Variants in TXNRD1 observed in about 807,000 individuals in gnomAD.
The protein encoded by TXNRD1 is thioredoxin reductase 1, cytoplasmic.
In TXNRD1, 57 loss-of-function variants were observed where a neutral mutation model predicts 80.3. The observed-to-expected ratio is 0.71, with a 90% CI of 0.57 to 0.89. The LOEUF (loss-of-function observed/expected upper bound fraction) is 0.89, where lower values mean the gene tolerates loss of function less well. Among genes scored for constraint, TXNRD1 ranks in the 40% least tolerant of loss-of-function variants. The probability of loss-of-function intolerance (pLI) is 0.00; values close to 1 mark genes in which losing one functional copy is unlikely to be tolerated. For missense variants in TXNRD1, 730 were observed against 803.0 expected (o/e 0.91, Z 1.10); for synonymous variants, 291 against 285.2 (o/e 1.02, Z -0.20).
In TXNRD1 at chr12:104,334,568, C is replaced by T. The variant is rs367796143; in HGVS notation, c.1746+236C>T. On this transcript the variant is annotated intron_variant, in intron 15 of 16. Coordinates refer to ENST00000525566, the MANE Select transcript of TXNRD1 (RefSeq NM_001093771.3). ...GGCTAATTTTTGTAGACGGGGGTTT[C>T]ACCATGTTGGCCAGGCTGGTCTTGA... Among the ~76,000 whole-genome samples, 10 of 152,236 alleles carry T rather than the reference C, an allele frequency of 6.6e-5. No individual in the cohort carries two copies. The East Asian group carries it at 1.2e-3, about 18-fold the overall frequency.
At chr12:104,269,356 A>G (rs1030739908) in intron 3 of TXNRD1, among the ~76,000 whole-genome samples, 1 of 147,738 alleles carries the variant, frequency 6.8e-6, no homozygotes, top group African/African-American at 2.5e-5. Flanking sequence ...ATCAGACTCT[A>G]TTTTTTGTGG....
chr12:104,315,556 CCT>C (rs1394753103), intron 6 of TXNRD1, among the ~76,000 whole-genome samples: 10 of 152,030 alleles, frequency 6.6e-5, no homozygotes, highest in Middle Eastern at 6.8e-3. Flanking sequence ...GAAATCTGCC[CCT>C]CTTTTTGTTT....
chr12:104,319,910 CACAA>C (rs1351313531), intron 9 of TXNRD1, among the ~76,000 whole-genome samples: 4 of 152,166 alleles, frequency 2.6e-5, no homozygotes, highest in African/African-American at 9.7e-5. Context: ...AATGGATATT[CACAA>C]ACATTTTGTA....
chr12:104,336,551 C>G (rs996171220), intron 15 of TXNRD1, among the ~76,000 whole-genome samples: 1 of 152,034 alleles, frequency 6.6e-6, no homozygotes, highest in Admixed American at 6.6e-5. Context: ...GGCTTTTGTT[C>G]TCTGCTATTT....
At chr12:104,241,302 G>A (rs1329737382) in intron 1 of TXNRD1, among the ~76,000 whole-genome samples, 1 of 152,300 alleles carries the variant, frequency 6.6e-6, no homozygotes, top group East Asian at 1.9e-4. Context: ...GCATCCCAAA[G>A]TGCTGAGATT....
chr12:104,332,427 A>G (rs1454102240), intron 14 of TXNRD1, among the ~76,000 whole-genome samples: 1 of 152,160 alleles, frequency 6.6e-6, no homozygotes, highest in Non-Finnish European at 1.5e-5. Context: ...TATTAGTAAC[A>G]CATTATTAAC....
chr12:104,235,454 T>C (rs1442762455), intron 1 of TXNRD1, among the ~76,000 whole-genome samples: 1 of 152,104 alleles, frequency 6.6e-6, no homozygotes, highest in African/African-American at 2.4e-5. Context: ...GCAGAACCTT[T>C]AAAGAAGAAC....
chr12:104,339,448 A>T (rs749135997), intron 16 of TXNRD1, 175 bp downstream of exon 16: 2 of 863,348 alleles, frequency 2.3e-6, no homozygotes, highest in African/African-American at 1.6e-5. Context: ...TCATGGTATG[A>T]ACTGGAGGCT....
chr12:104,281,935 A>C (rs921813926), intron 3 of TXNRD1, among the ~76,000 whole-genome samples: 5 of 152,178 alleles, frequency 3.3e-5, no homozygotes, highest in African/African-American at 1.2e-4. Context: ...GGCTTTAGAC[A>C]TACTGGTTAC....
At chr12:104,312,614 T>A (rs1308669057) in intron 5 of TXNRD1, among the ~76,000 whole-genome samples, 2 of 152,238 alleles carry the variant, frequency 1.3e-5, no homozygotes, top group East Asian at 3.8e-4. Flanking sequence ...TATTCAAAGC[T>A]TATTCTCTGA....
chr12:104,285,449 A>G (rs764273630), intron 3 of TXNRD1, among the ~76,000 whole-genome samples: 5 of 152,210 alleles, frequency 3.3e-5, no homozygotes, highest in Non-Finnish European at 5.9e-5. Context: ...TCACTTAGGA[A>G]CAATGTGAAG....
At chr12:104,307,506 C>A (rs1393361622) in intron 4 of TXNRD1, among the ~76,000 whole-genome samples, 1 of 152,178 alleles carries the variant, frequency 6.6e-6, no homozygotes, top group Non-Finnish European at 1.5e-5. Context: ...TTAAACTCAG[C>A]CATTTGATGA....
intron 3 of TXNRD1, among the ~76,000 whole-genome samples, chr12:104,279,358 T>A (rs139508295): frequency 6.6e-6 from 1 of 152,206 alleles, no homozygotes; most frequent in East Asian, 1.9e-4. Context: ...TCTCTGTTGG[T>A]TTTCCCAAGG....
intron 3 of TXNRD1, chr12:104,265,629 C>T: frequency 1.2e-6 from 2 of 1,607,510 alleles, no homozygotes; most frequent in Non-Finnish European, 1.7e-6. Context: ...GCGCTGTCAC[C>T]CAGTGCTACC....
At chr12:104,326,460 A>ATTTTTTTTTTTTTTT in intron 12 of TXNRD1, 37 bp downstream of exon 12, 1 of 539,390 alleles carries the variant, frequency 1.9e-6, no homozygotes. Flanking sequence ...TATTTGTGGG[A>ATTTTTTTTTTTTTTT]TTTTTTTTTT....
intron 10 of TXNRD1, among the ~76,000 whole-genome samples, chr12:104,324,853 G>A (rs1210636980): frequency 6.6e-6 from 1 of 152,154 alleles, no homozygotes; most frequent in Non-Finnish European, 1.5e-5. Context: ...TTAAGACTTT[G>A]TAACTGTTAC....
intron 3 of TXNRD1, chr12:104,287,389 T>C: frequency 1.9e-6 from 3 of 1,614,014 alleles, no homozygotes; most frequent in South Asian, 2.2e-5. Flanking sequence ...TTCCTTCCTC[T>C]TGGTCTTTGT....
intron 4 of TXNRD1, among the ~76,000 whole-genome samples, chr12:104,301,805 T>C (rs1223036639): frequency 6.6e-6 from 1 of 152,220 alleles, no homozygotes; most frequent in Non-Finnish European, 1.5e-5. Context: ...ACAGATACGA[T>C]CCTTGAATGA....
intron 4 of TXNRD1, among the ~76,000 whole-genome samples, chr12:104,298,806 C>CA (rs2034517228): frequency 7.5e-6 from 1 of 132,942 alleles, no homozygotes; most frequent in Non-Finnish European, 1.6e-5. Context: ...GGTTTGTATA[C>CA]AGTTTTTTTT....
Sources: gnomAD v4.1 joint callset for allele counts (sites outside exome capture counted in the v4.1 genomes callset) on GRCh38, gnomAD v4.1.1 for gene constraint, MANE v1.5 for transcripts, NCBI Gene and HGNC (gene_info 2026-07-23, HGNC 2026-07-21) for gene names.